KCNQ3: variants seen among roughly 807,000 people sequenced by gnomAD.
KCNQ3 encodes potassium voltage-gated channel subfamily KQT member 3.
In KCNQ3, 30 loss-of-function variants were observed where a neutral mutation model predicts 92.5. That is an observed-to-expected ratio of 0.32 (90% CI 0.24 to 0.44). The LOEUF (loss-of-function observed/expected upper bound fraction) is 0.44, where lower values mean the gene tolerates loss of function less well. Among genes scored for constraint, KCNQ3 ranks in the 20% least tolerant of loss-of-function variants. The pLI, the probability that KCNQ3 is intolerant of heterozygous loss-of-function variation, is 1.00. For synonymous variants in KCNQ3, 450 were observed against 468.8 expected, an observed-to-expected ratio of 0.96 and a Z score of 0.52; for missense variants, 913 against 1,140.3, an observed-to-expected ratio of 0.80 and a Z score of 2.87.
chr8:132,209,192 G>A (rs1349170999), intron 1 of KCNQ3, among the ~76,000 whole-genome samples: 2 of 152,100 alleles, frequency 1.3e-5, no homozygotes, highest in Non-Finnish European at 2.9e-5. Context: ...AGGATAATGG[G>A]TGGTCAGACT....
At chr8:132,415,508 G>A (rs1820772797) in intron 1 of KCNQ3, among the ~76,000 whole-genome samples, 1 of 152,174 alleles carries the variant, frequency 6.6e-6, no homozygotes, top group Admixed American at 6.5e-5. Context: ...GAACCAAACA[G>A]CAGTGACATT....
intron 1 of KCNQ3, among the ~76,000 whole-genome samples, chr8:132,242,134 C>T (rs1410967057): frequency 6.6e-6 from 1 of 152,168 alleles, no homozygotes; most frequent in Admixed American, 6.5e-5. Context: ...TGAGTCATGT[C>T]GAATGGCAAG....
chr8:132,400,546 C>T (rs1015118877), intron 1 of KCNQ3, among the ~76,000 whole-genome samples: 2 of 152,210 alleles, frequency 1.3e-5, no homozygotes, highest in African/African-American at 4.8e-5. Flanking sequence ...GATGCCACCG[C>T]GGGTCCCTGC....
chr8:132,385,848 T>A (rs1819876110), intron 1 of KCNQ3, among the ~76,000 whole-genome samples: 1 of 151,766 alleles, frequency 6.6e-6, no homozygotes, highest in African/African-American at 2.4e-5. Context: ...ACAGGAAGCA[T>A]AAAACACAAC....
chr8:132,275,236 C>G (rs1258054945), intron 1 of KCNQ3, among the ~76,000 whole-genome samples: 1 of 151,426 alleles, frequency 6.6e-6, no homozygotes, highest in Non-Finnish European at 1.5e-5. Flanking sequence ...AATGAGGGAA[C>G]TAATAAAGAG....
chr8:132,353,058 C>G (rs1818919940), intron 1 of KCNQ3, among the ~76,000 whole-genome samples: 2 of 152,166 alleles, frequency 1.3e-5, no homozygotes, highest in African/African-American at 4.8e-5. Context: ...AACACTGTCT[C>G]TACTGAAAAT....
At chr8:132,252,163 C>T (rs1323849878) in intron 1 of KCNQ3, among the ~76,000 whole-genome samples, 9 of 152,116 alleles carry the variant, frequency 5.9e-5, no homozygotes, top group African/African-American at 9.7e-5. Flanking sequence ...GGCCTGTGTC[C>T]GGAATTGGTT....
chr8:132,267,458 C>T (rs777585903), intron 1 of KCNQ3, among the ~76,000 whole-genome samples: 23 of 152,152 alleles, frequency 1.5e-4, no homozygotes, highest in African/African-American at 3.9e-4. Flanking sequence ...TTTCTGCTGA[C>T]GGCTTGCAGA....
chr8:132,366,140 AG>A (rs1309777874), intron 1 of KCNQ3, among the ~76,000 whole-genome samples: 1 of 152,170 alleles, frequency 6.6e-6, no homozygotes, highest in African/African-American at 2.4e-5. Context: ...CCATTTATTT[AG>A]GGCTCTTGTT....
chr8:132,278,111 C>T (rs1816397670), intron 1 of KCNQ3: 1 of 985,226 alleles, frequency 1.0e-6, no homozygotes, highest in South Asian at 4.7e-5. Flanking sequence ...TTCCACAGTA[C>T]CACATTGCCT....
chr8:132,186,238 GC>G, intron 1 of KCNQ3, 57 bp from the exon 2 acceptor site: 2 of 1,260,112 alleles, frequency 1.6e-6, no homozygotes, highest in Non-Finnish European at 2.3e-6. Flanking sequence ...TTGCTTTGAG[GC>G]TAAGATGGGG....
intron 1 of KCNQ3, among the ~76,000 whole-genome samples, chr8:132,225,887 G>C (rs1814399131): frequency 6.6e-6 from 1 of 152,190 alleles, no homozygotes; most frequent in Admixed American, 6.5e-5. Context: ...TATGAACAAG[G>C]AGATTCAAGT....
intron 1 of KCNQ3, among the ~76,000 whole-genome samples, chr8:132,424,026 G>C (rs1463431229): frequency 6.6e-6 from 1 of 152,166 alleles, no homozygotes; most frequent in Non-Finnish European, 1.5e-5. Context: ...ACTTGCAGCT[G>C]AATGATCTCA....
intron 1 of KCNQ3, among the ~76,000 whole-genome samples, chr8:132,361,583 G>A (rs893756237): frequency 3.3e-5 from 5 of 151,878 alleles, no homozygotes; most frequent in Non-Finnish European, 7.4e-5. Flanking sequence ...GATCTAAACA[G>A]AACACTCAAA....
In KCNQ3 at chr8:132,144,137, C is replaced by T. The variant is rs532746084; in HGVS notation, c.1263-2806G>A. ...TAAATGCTTCACTGCCAACCTCAAA[C>T]GGTCTGGATTGTTTTGGCCACGTTC... On this transcript the variant is annotated intron_variant, in intron 9 of 14. Transcript: ENST00000388996. Among the ~76,000 whole-genome samples the T allele has an allele frequency of 3.9e-5, 6 of 152,332 alleles. No individual in the cohort carries two copies. The East Asian group carries it at 7.7e-4, about 20-fold the overall frequency.
At chr8:132,308,471 A>C (rs1042874981) in intron 1 of KCNQ3, among the ~76,000 whole-genome samples, 10 of 152,340 alleles carry the variant, frequency 6.6e-5, no homozygotes, top group Admixed American at 2.6e-4. Flanking sequence ...CAATAGAAGC[A>C]TTGAGGAGCC....
At chr8:132,183,789 T>G (rs539270984) in intron 3 of KCNQ3, among the ~76,000 whole-genome samples, 4 of 152,346 alleles carry the variant, frequency 2.6e-5, no homozygotes, top group African/African-American at 9.6e-5. Context: ...TGTTTCTATT[T>G]CTGTACAATG....
At chr8:132,192,932 C>T (rs1282580735) in intron 1 of KCNQ3, among the ~76,000 whole-genome samples, 1 of 152,164 alleles carries the variant, frequency 6.6e-6, no homozygotes, top group African/African-American at 2.4e-5. Context: ...CAGGTGTGAG[C>T]CACAGTGCCC....
chr8:132,185,945 G>A (rs1050523072), intron 2 of KCNQ3, 146 bp downstream of exon 2: 3 of 702,856 alleles, frequency 4.3e-6, no homozygotes, highest in African/African-American at 3.5e-5. Flanking sequence ...ACCAAGTAAT[G>A]GAGGCTTTGC....
Sources: gnomAD v4.1 joint callset for allele counts (sites outside exome capture counted in the v4.1 genomes callset) on GRCh38, gnomAD v4.1.1 for gene constraint, MANE v1.5 for transcripts, NCBI Gene and HGNC (gene_info 2026-07-23, HGNC 2026-07-21) for gene names.